MRPS31: variants seen among roughly 807,000 people sequenced by gnomAD.
MRPS31 encodes the protein mitochondrial ribosomal protein S31.
A neutral mutation model predicts 43.1 loss-of-function variants in MRPS31; 32 were observed. The ratio of observed to expected loss-of-function variants is 0.74; its 90% confidence interval spans 0.56 to 1.00. The LOEUF (loss-of-function observed/expected upper bound fraction) is 1.00. Ranked by LOEUF, MRPS31 falls within the 50% of genes least tolerant of loss-of-function variation. The pLI is 0.00. For synonymous variants in MRPS31, 165 were observed against 161.6 expected, an observed-to-expected ratio of 1.02 and a Z score of -0.16; for missense variants, 437 against 466.7, an observed-to-expected ratio of 0.94 and a Z score of 0.59.
At chr13:40,753,362 G>A (rs1880442563) in intron 5 of MRPS31, among the ~76,000 whole-genome samples, 1 of 152,174 alleles carries the variant, frequency 6.6e-6, no homozygotes, top group African/African-American at 2.4e-5. Flanking sequence ...CACTGTAAAT[G>A]GTAGTTGATT....
intron 3 of MRPS31, among the ~76,000 whole-genome samples, chr13:40,757,684 TC>T (rs1297820125): frequency 3.3e-5 from 5 of 150,884 alleles, no homozygotes; most frequent in Admixed American, 2.6e-4. Flanking sequence ...GACGTGGTGA[TC>T]CGCTTGCCTC....
At chr13:40,739,812 G>A (rs1376727496) in intron 6 of MRPS31, among the ~76,000 whole-genome samples, 6 of 151,530 alleles carry the variant, frequency 4.0e-5, no homozygotes, top group East Asian at 1.9e-4. Context: ...AGACTTAAAC[G>A]TTAGACCTAA....
At chr13:40,744,321 A>G (rs1164814254) in intron 6 of MRPS31, among the ~76,000 whole-genome samples, 5 of 152,212 alleles carry the variant, frequency 3.3e-5, no homozygotes, top group Non-Finnish European at 7.3e-5. Context: ...CCCATGTAAC[A>G]AACTTGCACA....
chr13:40,767,123 G>A, intron 1 of MRPS31, 90 bp from the exon 2 acceptor site: 1 of 1,034,018 alleles, frequency 9.7e-7, no homozygotes, highest in Non-Finnish European at 1.3e-6. Context: ...AAAAAACTAT[G>A]TATCTAAGAT....
chr13:40,745,201 C>T (rs541820376), intron 6 of MRPS31, among the ~76,000 whole-genome samples: 81 of 152,304 alleles, frequency 5.3e-4, no homozygotes, highest in African/African-American at 1.9e-3. Context: ...GGATTATAGG[C>T]ATGAGCCACT....
At chr13:40,752,029 CT>C (rs1880404105) in intron 5 of MRPS31, among the ~76,000 whole-genome samples, 1 of 151,042 alleles carries the variant, frequency 6.6e-6, no homozygotes, top group Non-Finnish European at 1.5e-5. Flanking sequence ...CAATTTCTTT[CT>C]TTCTTTTTTT....
chr13:40,740,453 T>C (rs945936116), intron 6 of MRPS31, among the ~76,000 whole-genome samples: 1 of 134,514 alleles, frequency 7.4e-6, no homozygotes, highest in African/African-American at 3.1e-5. Flanking sequence ...CCCAAAGGAC[T>C]ATACATCATG....
chr13:40,756,165 C>T (rs1880521570), intron 4 of MRPS31, among the ~76,000 whole-genome samples: 1 of 152,158 alleles, frequency 6.6e-6, no homozygotes, highest in Non-Finnish European at 1.5e-5. Flanking sequence ...GAAAACACTC[C>T]AGTTGTGAGC....
chr13:40,753,456 A>T (rs1350012551), intron 5 of MRPS31, among the ~76,000 whole-genome samples: 1 of 152,246 alleles, frequency 6.6e-6, no homozygotes, highest in Non-Finnish European at 1.5e-5. Context: ...TGTCTCACAG[A>T]ATGCAACATT....
At chr13:40,731,382 G>A (rs2137989975) in intron 6 of MRPS31, 1 of 152,444 alleles carries the variant, frequency 6.6e-6, no homozygotes, top group African/African-American at 2.4e-5. Context: ...AGGAGTTCAA[G>A]ACCAGCCTGG....
chr13:40,748,558 T>C (rs1180232631), intron 6 of MRPS31, among the ~76,000 whole-genome samples: 14 of 152,244 alleles, frequency 9.2e-5, no homozygotes. Context: ...ATACTGTTTT[T>C]CTTCTGATTT....
At chr13:40,753,611 C>T (rs952535645) in intron 5 of MRPS31, among the ~76,000 whole-genome samples, 1 of 152,096 alleles carries the variant, frequency 6.6e-6, no homozygotes, top group African/African-American at 2.4e-5. Flanking sequence ...GAGCAGGTGT[C>T]CCTGAGAACC....
At chr13:40,742,016 A>C (rs559020489) in intron 6 of MRPS31, among the ~76,000 whole-genome samples, 52 of 152,202 alleles carry the variant, frequency 3.4e-4, no homozygotes, top group African/African-American at 1.3e-3. Context: ...TTTAATGTCG[A>C]GTGAGAGGAC....
chr13:40,733,734 G>A (rs914346792), intron 6 of MRPS31, among the ~76,000 whole-genome samples: 2 of 152,192 alleles, frequency 1.3e-5, no homozygotes, highest in Non-Finnish European at 2.9e-5. Flanking sequence ...CTGGGAGGAT[G>A]AGGCGAGTGG....
chr13:40,746,763 A>T (rs1486665229), intron 6 of MRPS31, among the ~76,000 whole-genome samples: 1 of 152,216 alleles, frequency 6.6e-6, no homozygotes, highest in Non-Finnish European at 1.5e-5. Flanking sequence ...ATAAAGTAAA[A>T]TTTTGAAAAA....
intron 6 of MRPS31, among the ~76,000 whole-genome samples, chr13:40,734,879 G>A (rs1879831514): frequency 6.6e-6 from 1 of 152,300 alleles, no homozygotes; most frequent in South Asian, 2.1e-4. Flanking sequence ...CTGGGTGACG[G>A]AGTGAGACCC....
At chr13:40,749,411 A>T (rs1880328054) in intron 5 of MRPS31, 130 bp from the exon 6 acceptor site, 2 of 594,012 alleles carry the variant, frequency 3.4e-6, no homozygotes, top group Non-Finnish European at 5.0e-6. Context: ...TATATAATAA[A>T]AAGTTACTGA....
intron 2 of MRPS31, among the ~76,000 whole-genome samples, chr13:40,765,642 A>G (rs996220313): frequency 6.6e-5 from 10 of 152,180 alleles, no homozygotes; most frequent in African/African-American, 9.7e-5. Context: ...ACCCAATCAT[A>G]CTTTCTAGAG....
chr13:40,751,231 C>T (rs1880382953), intron 5 of MRPS31, among the ~76,000 whole-genome samples: 1 of 152,156 alleles, frequency 6.6e-6, no homozygotes, highest in African/African-American at 2.4e-5. Context: ...TTAATTGTCT[C>T]AGTTATCTTT....
Sources: gnomAD v4.1 joint callset for allele counts (sites outside exome capture counted in the v4.1 genomes callset) on GRCh38, gnomAD v4.1.1 for gene constraint, MANE v1.5 for transcripts, NCBI Gene and HGNC (gene_info 2026-07-23, HGNC 2026-07-21) for gene names.